Variants in ATL2 observed in about 807,000 individuals in gnomAD.
ATL2 encodes the protein atlastin GTPase 2.
In ATL2, 31 loss-of-function variants were observed where a neutral mutation model predicts 73.9. The ratio of observed to expected loss-of-function variants is 0.42; its 90% CI spans 0.32 to 0.57. The LOEUF is 0.57. Among genes scored for constraint, ATL2 ranks in the 20% least tolerant of loss-of-function variants. The pLI is 0.14. For synonymous variants in ATL2, 291 were observed against 237.5 expected (o/e 1.23, Z -2.07); for missense variants, 738 against 702.6 (o/e 1.05, Z -0.57).
rs564244279 is a variant in ATL2, at chr2:38,298,431, C to T, written c.1345G>A (p.Glu449Lys). The T allele has an allele frequency of 3.0e-5, 49 of 1,614,178 alleles. No homozygotes were observed. In the South Asian group the frequency reaches 4.8e-4, roughly 16 times the overall value. The change falls in exon 12 of 13, where the codon GAA becomes AAA. Residue 449 changes from glutamate to lysine, a missense_variant. Glu to Lys is a moderately conservative substitution (Grantham distance 56, BLOSUM62 1). Transcript: ENST00000378954. Reference protein sequence around the residue: ...EFCRRYQDQLEAEIEETYANF... With the variant: ...EFCRRYQDQLKAEIEETYANF... Reference sequence around the variant, plus strand: ...GCATAGGTTTCTTCAATTTCAGCTTCAAGCTGGTCCTGATAACGACGGCAG... The same window carrying T: ...GCATAGGTTTCTTCAATTTCAGCTTTAAGCTGGTCCTGATAACGACGGCAG...
intron 2 of ATL2, among the ~76,000 whole-genome samples, chr2:38,342,878 G>A (rs1174197431): frequency 1.3e-5 from 2 of 151,010 alleles, no homozygotes; most frequent in Non-Finnish European, 2.9e-5. Flanking sequence ...TTACATTACT[G>A]TATTGACCAG....
At chr2:38,327,190 G>A (rs1668710101) in intron 2 of ATL2, among the ~76,000 whole-genome samples, 1 of 151,776 alleles carries the variant, frequency 6.6e-6, no homozygotes, top group African/African-American at 2.4e-5. Flanking sequence ...AAATGATATA[G>A]GTCAGAAACT....
chr2:38,368,827 A>C (rs1671500112), intron 1 of ATL2, among the ~76,000 whole-genome samples: 1 of 152,190 alleles, frequency 6.6e-6, no homozygotes, highest in Non-Finnish European at 1.5e-5. Context: ...ACAGTAACTA[A>C]CGCCTGTAAT....
chr2:38,313,652 T>A (rs754541408), intron 6 of ATL2, among the ~76,000 whole-genome samples: 3 of 152,194 alleles, frequency 2.0e-5, no homozygotes, highest in Non-Finnish European at 4.4e-5. Flanking sequence ...TCACAGAGGA[T>A]GTTTTTACTC....
chr2:38,301,755 C>T (rs1197283084), intron 9 of ATL2, among the ~76,000 whole-genome samples: 1 of 152,172 alleles, frequency 6.6e-6, no homozygotes, highest in Non-Finnish European at 1.5e-5. Flanking sequence ...CCATCTAGGC[C>T]ACAAGGACTG....
rs145176759 is a variant in ATL2, at chr2:38,319,091, C to A, written c.364-72G>T. On this transcript the variant is annotated intron_variant, in intron 2 of 12. Transcript: ENST00000378954. ...AAAAGAAACCAAAAAATCACCCATTCTTTATTTTACAGATGGGGAAGCTAA... is the reference window on the plus strand; with the variant it reads ...AAAAGAAACCAAAAAATCACCCATTATTTATTTTACAGATGGGGAAGCTAA... The A allele has an allele frequency of 3.8e-4, 570 of 1,488,818 alleles. 2 individuals are homozygous for A. In the African/African-American group the frequency reaches 6.5e-3, roughly 17 times the overall value. The allele number at this position is 1,488,818 out of a possible 1,614,324, so 92.2% of individuals were successfully genotyped here. A position where few individuals can be genotyped will look rare whatever the true frequency, so the allele number is the denominator to read the frequency against.
chr2:38,340,786 T>C (rs1431653128), intron 2 of ATL2, among the ~76,000 whole-genome samples: 1 of 152,208 alleles, frequency 6.6e-6, no homozygotes, highest in East Asian at 1.9e-4. Context: ...TCAGATACCA[T>C]TTAAATGCAA....
In ATL2 at chr2:38,329,663, G is replaced by A. The variant is rs116344995; in HGVS notation, c.364-10644C>T. ...ACAAATAAAGGAAAACTGCAGACCA[G>A]TATATATCATGAATATAAATGCAAA... On this transcript the variant is annotated intron_variant, in intron 2 of 12. Transcript: ENST00000378954. Among the ~76,000 whole-genome samples the A allele has an allele frequency of 1.4e-4, 22 of 151,970 alleles. 1 individual carries two copies. Among genetic ancestry groups the A allele is most frequent in the Admixed American group, 6.6e-5 (1 of 15,258 alleles).
intron 1 of ATL2, among the ~76,000 whole-genome samples, chr2:38,372,330 C>T (rs975919255): frequency 4.6e-5 from 7 of 151,986 alleles, no homozygotes; most frequent in African/African-American, 1.7e-4. Context: ...TGTCATTATT[C>T]CCCAAGCATA....
intron 1 of ATL2, among the ~76,000 whole-genome samples, chr2:38,356,819 C>G (rs1670695225): frequency 6.6e-6 from 1 of 152,062 alleles, no homozygotes; most frequent in Non-Finnish European, 1.5e-5. Context: ...ACAACCATTT[C>G]TATACATGTT....
chr2:38,314,883 T>TTA (rs1272481367), intron 5 of ATL2, among the ~76,000 whole-genome samples: 3 of 152,246 alleles, frequency 2.0e-5, no homozygotes, highest in Non-Finnish European at 4.4e-5. Context: ...GTTACCAGTA[T>TTA]TATAGGCTTC....
intron 2 of ATL2, among the ~76,000 whole-genome samples, chr2:38,325,698 G>GCACACACACACA (rs1558412109): frequency 2.4e-4 from 1 of 4,098 alleles, no homozygotes. Context: ...ACACACACCA[G>GCACACACACACA]TACACACACA....
At chr2:38,322,552 A>T (rs901620676) in intron 2 of ATL2, among the ~76,000 whole-genome samples, 1 of 152,248 alleles carries the variant, frequency 6.6e-6, no homozygotes, top group Non-Finnish European at 1.5e-5. Context: ...ATAAATTTTT[A>T]TAAGTATAGA....
Position 38,313,260 on chromosome 2 carries a change from T to TA in ATL2, c.712-18dup. ...CATTAATGTCTATACACAGAAAAAA[T>TA]AAAAATTGTTTATTTTACAATAAAG... On this transcript the variant is annotated splice_polypyrimidine_tract_variant and intron_variant, in intron 6 of 12. Transcript: ENST00000378954. 3 of 1,554,194 alleles carry TA rather than the reference T, an allele frequency of 1.9e-6. No homozygotes were observed. In the South Asian group the frequency reaches 3.6e-5, roughly 18 times the overall value.
At chr2:38,364,840 T>G (rs574383360) in intron 1 of ATL2, among the ~76,000 whole-genome samples, 1 of 151,922 alleles carries the variant, frequency 6.6e-6, no homozygotes, top group Non-Finnish European at 1.5e-5. Flanking sequence ...GTCAGGAGAT[T>G]GAGACCATCC....
intron 12 of ATL2, 141 bp downstream of exon 12, chr2:38,298,003 G>A: frequency 1.3e-6 from 1 of 784,762 alleles, no homozygotes; most frequent in Non-Finnish European, 2.0e-6. Flanking sequence ...AATTCATAAA[G>A]ATTCTACATC....
intron 1 of ATL2, among the ~76,000 whole-genome samples, chr2:38,345,554 T>C (rs557679621): frequency 4.5e-4 from 69 of 152,310 alleles, no homozygotes; most frequent in African/African-American, 1.6e-3. Context: ...AGGAGAATCT[T>C]TGAAAGTAAA....
At chr2:38,354,184 C>CA (rs61343926) in intron 1 of ATL2, 88 of 414,210 alleles carry the variant, frequency 2.1e-4, no homozygotes, top group South Asian at 7.2e-4. Context: ...GACTCTGTCT[C>CA]AAAAAAAAGC....
chr2:38,344,621 A>C lies in ATL2; in HGVS notation c.119-1109T>G, dbSNP rs193124351. ...TGAGTCTCAGTCTCAAAAAACAAAC[A>C]AAAAAAAATTATTCATGTTATTTTT... On this transcript the variant is annotated intron_variant, in intron 1 of 12. Coordinates refer to ENST00000378954, the MANE Select transcript of ATL2 (RefSeq NM_001135673.4). 2.0e-3 allele frequency among the ~76,000 whole-genome samples: 311 copies of C among 151,816 alleles called. 1 individual carries two copies. The highest frequency in any genetic ancestry group is 0.01 in the Middle Eastern group (3 of 294).
Sources: gnomAD v4.1 joint callset for allele counts (sites outside exome capture counted in the v4.1 genomes callset) on GRCh38, gnomAD v4.1.1 for gene constraint, MANE v1.5 for transcripts, NCBI Gene and HGNC (gene_info 2026-07-23, HGNC 2026-07-21) for gene names.